WWOX: variants seen among roughly 807,000 people sequenced by gnomAD.
WWOX encodes WW domain-containing oxidoreductase.
A neutral mutation model predicts 46.2 loss-of-function variants in WWOX; 69 were observed. That is an observed-to-expected ratio of 1.49 (90% CI 1.23 to 1.82). The LOEUF is 1.82. Ranked by LOEUF, WWOX falls within the 40% of genes most tolerant of loss-of-function variation. The probability of loss-of-function intolerance (pLI) is 0.00; values close to 1 mark genes in which losing one functional copy is unlikely to be tolerated. For missense variants in WWOX, 919 were observed against 542.6 expected (o/e 1.69, Z -6.89); for synonymous variants, 359 against 202.6 (o/e 1.77, Z -6.56).
intron 4 of WWOX, among the ~76,000 whole-genome samples, chr16:78,135,340 AG>A (rs941599001): frequency 1.3e-4 from 20 of 152,204 alleles, no homozygotes; most frequent in African/African-American, 3.9e-4. Flanking sequence ...TCTGAGAAGG[AG>A]GGGAAGCTTT....
chr16:78,340,351 C>T lies in WWOX; in HGVS notation c.517-46509C>T, dbSNP rs1359385000. On this transcript the variant is annotated intron_variant, in intron 5 of 8. Transcript: ENST00000566780. ...CGCTGGGACTACATGTGCGTGTCAC[C>T]AAGCCGAACTAATTTATTTTTATTT... Among the ~76,000 whole-genome samples the T allele has an allele frequency of 3.4e-5, 4 of 117,772 alleles. 1 individual carries two copies. Among genetic ancestry groups the T allele is most frequent in the Non-Finnish European group, 8.1e-5 (4 of 49,536 alleles). The allele number at this position is 117,772 out of a possible 152,430, so 77.3% of individuals were successfully genotyped here. A position where few individuals can be genotyped will look rare whatever the true frequency, so the allele number is the denominator to read the frequency against.
At chr16:78,618,591 A>T (rs535812342) in intron 8 of WWOX, among the ~76,000 whole-genome samples, 2 of 152,270 alleles carry the variant, frequency 1.3e-5, no homozygotes, top group South Asian at 2.1e-4. Flanking sequence ...TCACATTGTG[A>T]GGTACTGGGG....
At chr16:78,836,748 C>G (rs2051995970) in intron 8 of WWOX, among the ~76,000 whole-genome samples, 1 of 152,108 alleles carries the variant, frequency 6.6e-6, no homozygotes, top group African/African-American at 2.4e-5. Flanking sequence ...TGAGGCTGGA[C>G]CCCAGGATTT....
intron 8 of WWOX, among the ~76,000 whole-genome samples, chr16:78,947,970 T>G (rs905855586): frequency 6.6e-6 from 1 of 151,862 alleles, no homozygotes; most frequent in Non-Finnish European, 1.5e-5. Context: ...AGATGTGAGG[T>G]CCAAGGACAT....
At chr16:78,829,880 C>G (rs980894919) in intron 8 of WWOX, among the ~76,000 whole-genome samples, 6 of 152,130 alleles carry the variant, frequency 3.9e-5, no homozygotes, top group African/African-American at 1.2e-4. Flanking sequence ...CTGTTGAGCA[C>G]CAGAGCAACC....
chr16:78,608,831 C>A (rs1465530220), intron 8 of WWOX, among the ~76,000 whole-genome samples: 1 of 152,104 alleles, frequency 6.6e-6, no homozygotes, highest in African/African-American at 2.4e-5. Flanking sequence ...TTTTTTCTAG[C>A]CTTTATAGAA....
chr16:78,966,434 C>T (rs528795380), intron 8 of WWOX, among the ~76,000 whole-genome samples: 4 of 151,916 alleles, frequency 2.6e-5, no homozygotes, highest in Non-Finnish European at 4.4e-5. Context: ...ACTAAAATAC[C>T]CTTCCACAAT....
chr16:78,929,253 GAT>G (rs897249269), intron 8 of WWOX, among the ~76,000 whole-genome samples: 28 of 122,296 alleles, frequency 2.3e-4, no homozygotes, highest in African/African-American at 1.0e-3. Flanking sequence ...ATCATACAGT[GAT>G]TTTTTTTTTT....
chr16:79,010,797 G>T (rs1346334885), intron 8 of WWOX, among the ~76,000 whole-genome samples: 1 of 149,026 alleles, frequency 6.7e-6, no homozygotes, highest in African/African-American at 2.5e-5. Context: ...ATGGCCCTAA[G>T]GGCAGAGCAC....
At chr16:78,403,279 A>G (rs1259380094) in intron 6 of WWOX, among the ~76,000 whole-genome samples, 1 of 152,218 alleles carries the variant, frequency 6.6e-6, no homozygotes, top group Non-Finnish European at 1.5e-5. Flanking sequence ...CCTGCATTAA[A>G]ACTGTATAAA....
chr16:79,196,780 G>C (rs2051249385), intron 8 of WWOX, among the ~76,000 whole-genome samples: 1 of 152,034 alleles, frequency 6.6e-6, no homozygotes, highest in Non-Finnish European at 1.5e-5. Flanking sequence ...TTGTTGTAGA[G>C]ATGTTCTATT....
At chr16:78,331,716 C>T (rs963690278) in intron 5 of WWOX, among the ~76,000 whole-genome samples, 1 of 152,176 alleles carries the variant, frequency 6.6e-6, no homozygotes, top group African/African-American at 2.4e-5. Flanking sequence ...TACACACATT[C>T]TTAAATGCCT....
intron 8 of WWOX, among the ~76,000 whole-genome samples, chr16:78,717,137 G>A (rs770321655): frequency 1.3e-5 from 2 of 152,184 alleles, no homozygotes; most frequent in East Asian, 1.9e-4. Context: ...GAGAACAGAG[G>A]TGCTCTGTGT....
chr16:78,242,251 T>C (rs897934806), intron 5 of WWOX, among the ~76,000 whole-genome samples: 14 of 152,362 alleles, frequency 9.2e-5, no homozygotes, highest in African/African-American at 3.4e-4. Flanking sequence ...CTGGATATTG[T>C]TTCTGCAGCG....
At chr16:78,875,408 C>T (rs957005251) in intron 8 of WWOX, among the ~76,000 whole-genome samples, 1 of 152,126 alleles carries the variant, frequency 6.6e-6, no homozygotes, top group African/African-American at 2.4e-5. Flanking sequence ...TAGTATTTCT[C>T]TAATTCTCGA....
intron 8 of WWOX, among the ~76,000 whole-genome samples, chr16:79,169,519 C>G (rs79439228): frequency 0.038 from 5,723 of 152,276 alleles, 137 homozygotes; most frequent in East Asian, 0.14. Flanking sequence ...CAGCCACCTC[C>G]TGGCTGTCCT....
chr16:78,924,113 G>A (rs1045505244), intron 8 of WWOX, among the ~76,000 whole-genome samples: 2 of 152,036 alleles, frequency 1.3e-5, no homozygotes, highest in South Asian at 2.1e-4. Context: ...CGCTGTGCCC[G>A]GCTGCTAGGA....
chr16:78,234,442 C>T (rs9935543), intron 5 of WWOX, among the ~76,000 whole-genome samples: 76,719 of 151,560 alleles, frequency 0.51, 19,840 homozygotes, highest in Admixed American at 0.62. Flanking sequence ...TTCGCCATAC[C>T]GCTGGCTAAA....
chr16:78,597,672 A>T (rs1250932111), intron 8 of WWOX, among the ~76,000 whole-genome samples: 2 of 151,916 alleles, frequency 1.3e-5, no homozygotes, highest in East Asian at 3.9e-4. Context: ...AAACCCCTAA[A>T]TTGTGGTGCC....
Sources: allele counts gnomAD v4.1 joint callset (sites outside exome capture counted in the v4.1 genomes callset), GRCh38; gene constraint gnomAD v4.1.1; transcripts MANE v1.5; gene names NCBI Gene and HGNC (gene_info 2026-07-23, HGNC 2026-07-21).